The following EVC2 variants were observed in gnomAD, a reference collection of about 807,000 sequenced individuals.
The protein encoded by EVC2 is limbin.
Under a neutral mutation model 149.3 loss-of-function variants are expected in EVC2, and 148 were observed. That is an observed-to-expected ratio of 0.99 (90% CI 0.87 to 1.14). The LOEUF (loss-of-function observed/expected upper bound fraction) is 1.14, where lower values mean the gene tolerates loss of function less well. EVC2 is among the 50% of genes most tolerant of loss of function. The probability of loss-of-function intolerance (pLI) is 0.00; values close to 1 mark genes in which losing one functional copy is unlikely to be tolerated. For missense variants in EVC2, 1,854 were observed against 1,627.3 expected (o/e 1.14, Z -2.40); for synonymous variants, 776 against 649.9 (o/e 1.19, Z -2.95).
In EVC2 at chr4:5,625,954, C is replaced by A. The variant is rs765708772; in HGVS notation, c.1887-46G>T. On this transcript the variant is annotated intron_variant, in intron 12 of 21. Coordinates refer to ENST00000344408, the MANE Select transcript of EVC2 (RefSeq NM_147127.5). This position sits in a 1 kb window ranked among gnomAD's most constrained non-coding sequence, Gnocchi z 4.0. Reference sequence around the variant, plus strand: ...GTTAGGAATGTGGTCTCCAAACTCACCTGTAGCTTAACTGCTATTGTGCCT... The same window carrying A: ...GTTAGGAATGTGGTCTCCAAACTCAACTGTAGCTTAACTGCTATTGTGCCT... The A allele has an allele frequency of 1.9e-6, 3 of 1,609,686 alleles. No individual in the cohort carries two copies. Among genetic ancestry groups the A allele is most frequent in the South Asian group, 2.2e-5 (2 of 90,988 alleles).
rs911943048 is a variant in EVC2, at chr4:5,615,334, G to C, written c.2829+88C>G. 3.8e-6 allele frequency: 6 copies of C among 1,596,256 alleles called. No homozygotes were observed. The Admixed American group carries it at 1.0e-4, about 27-fold the overall frequency. ...GTGGAGATGGATGGCACAGCCCCAAGGGCTCTGTGTGCCTGCAAATGTGTC... is the reference window on the plus strand; with the variant it reads ...GTGGAGATGGATGGCACAGCCCCAACGGCTCTGTGTGCCTGCAAATGTGTC... On this transcript the variant is annotated intron_variant, in intron 16 of 21. Coordinates refer to ENST00000344408, the MANE Select transcript of EVC2 (RefSeq NM_147127.5).
At chr4:5,704,200 A>G (rs1721997747) in intron 1 of EVC2, among the ~76,000 whole-genome samples, 1 of 152,200 alleles carries the variant, frequency 6.6e-6, no homozygotes, top group Admixed American at 6.5e-5. Context: ...GCGGCTCCAC[A>G]ATAATCCCAG....
chr4:5,602,128 A>G lies in EVC2; in HGVS notation c.2829+13294T>C, dbSNP rs569151619. 3.9e-5 allele frequency among the ~76,000 whole-genome samples: 6 copies of G among 152,018 alleles called. No individual in the cohort carries two copies. The South Asian group carries it at 1.2e-3, about 32-fold the overall frequency. On this transcript the variant is annotated intron_variant, in intron 16 of 21. Coordinates refer to ENST00000344408, the MANE Select transcript of EVC2 (RefSeq NM_147127.5). ...CTGTCCCTATAAAAAATTTTAAAAT[A>G]AAAAATTTTAAAAATTAGTAGGGTA...
intron 1 of EVC2, among the ~76,000 whole-genome samples, chr4:5,703,481 T>C (rs1006967544): frequency 6.6e-6 from 1 of 152,148 alleles, no homozygotes; most frequent in Admixed American, 6.5e-5. Flanking sequence ...AGTTGACACA[T>C]GAAATGCTCA....
Position 5,681,314 on chromosome 4 carries a change from C to A in EVC2, c.817-1G>T. The A allele has an allele frequency of 1.9e-6, 3 of 1,614,196 alleles. No homozygotes were observed. Among genetic ancestry groups the A allele is most frequent in the Non-Finnish European group, 1.7e-6 (2 of 1,180,032 alleles). On this transcript the variant is annotated splice_acceptor_variant, in intron 6 of 21. Coordinates refer to ENST00000344408, the MANE Select transcript of EVC2 (RefSeq NM_147127.5). LOFTEE classifies it high-confidence loss of function. The stretch of plus-strand genomic sequence containing the variant: ...AAAGCACTTTCAGCTGTGTTCTGTT[C>A]TAGAAAAGGAAAAAAGAAAACACTT...
chr4:5,645,421 C>A (rs1298239438), intron 9 of EVC2, among the ~76,000 whole-genome samples: 3 of 151,770 alleles, frequency 2.0e-5, no homozygotes, highest in African/African-American at 7.3e-5. Context: ...CACTCTCCAC[C>A]CTCTGATAGG....
intron 9 of EVC2, 108 bp downstream of exon 9, chr4:5,662,999 C>T (rs1374512122): frequency 1.8e-5 from 26 of 1,454,578 alleles, no homozygotes; most frequent in Non-Finnish European, 2.1e-5. Flanking sequence ...TACAGAGTGA[C>T]AAATGATTAA....
chr4:5,657,766 C>T lies in EVC2; in HGVS notation c.1145+5341G>A, dbSNP rs1434663249. 1.3e-5 allele frequency among the ~76,000 whole-genome samples: 2 copies of T among 151,786 alleles called. No individual in the cohort carries two copies. The highest frequency in any genetic ancestry group is 2.4e-5 in the African/African-American group (1 of 41,258). The stretch of plus-strand genomic sequence containing the variant: ...AAAGAAAAAAAAAAAAGGTAGTTTC[C>T]GGCAGCCTTGAGTGTTGTGAAGAAA... On this transcript the variant is annotated intron_variant, in intron 9 of 21. Coordinates refer to ENST00000344408, the MANE Select transcript of EVC2 (RefSeq NM_147127.5). The surrounding 1 kb of genome is among the most constrained non-coding windows in gnomAD (Gnocchi z 4.7).
In EVC2 at chr4:5,708,528, C is replaced by A. The variant is rs76269601; in HGVS notation, c.-15G>T. On this transcript the variant is annotated 5_prime_UTR_variant, in exon 1 of 22. Transcript: ENST00000344408. ...GAGGGGTCCATCGCCTGTCGGGACC[C>A]GCTACCTCAAAGCGGCGGGTGCCGC... The A allele has an allele frequency of 7.0e-7, 1 of 1,433,746 alleles. No homozygotes were observed. Among genetic ancestry groups the A allele is most frequent in the African/African-American group, 1.5e-5 (1 of 66,776 alleles). The allele number at this position is 1,433,746 out of a possible 1,614,324, so 88.8% of individuals were successfully genotyped here.
At position 5,640,515 on chromosome 4, in the gene EVC2, C is replaced by G; in HGVS notation, c.1469G>C (p.Arg490Thr). The part of the protein sequence containing the change: ...AEELLKRAGE[R>T]SAVECSNLLR... ...GCCTTCCTTTCAGACCTGTCTTACCCTCTCACCAGCACGTTTCAGCAACTC... is the reference window on the plus strand; with the variant it reads ...GCCTTCCTTTCAGACCTGTCTTACCGTCTCACCAGCACGTTTCAGCAACTC... Residue 490 changes from arginine (R) to threonine (T), a missense_variant and splice_region_variant, in exon 10 of 22, where the codon AGG (arginine) becomes ACG (threonine). Arg to Thr is a moderately conservative substitution (Grantham distance 71). Transcript: ENST00000344408. This position sits in a 1 kb window ranked among gnomAD's most constrained non-coding sequence, Gnocchi z 4.6. 2 of 1,614,112 alleles carry G rather than the reference C, an allele frequency of 1.2e-6. No homozygotes were observed. The highest frequency in any genetic ancestry group is 1.3e-5 in the African/African-American group (1 of 75,018).
intron 19 of EVC2, among the ~76,000 whole-genome samples, chr4:5,572,358 A>G (rs13103472): frequency 0.63 from 95,074 of 152,096 alleles, 30,812 homozygotes; most frequent in Non-Finnish European, 0.68. Flanking sequence ...CACTATTAGG[A>G]AGGGGGGCCT....
intron 16 of EVC2, among the ~76,000 whole-genome samples, chr4:5,611,723 T>C (rs559328443): frequency 3.3e-5 from 5 of 152,152 alleles, no homozygotes; most frequent in African/African-American, 1.2e-4. Flanking sequence ...GAAAACAATA[T>C]TCTGTACTTG....
At chr4:5,593,881 T>G (rs1285780981) in intron 16 of EVC2, among the ~76,000 whole-genome samples, 1 of 152,168 alleles carries the variant, frequency 6.6e-6, no homozygotes, top group Non-Finnish European at 1.5e-5. Context: ...ACTGCGCTTT[T>G]CCGAAGGGCT....
At chr4:5,680,037 A>G (rs1023243545) in intron 7 of EVC2, among the ~76,000 whole-genome samples, 1 of 152,132 alleles carries the variant, frequency 6.6e-6, no homozygotes, top group African/African-American at 2.4e-5. Context: ...AGGATCATCA[A>G]TATCACTGCC....
At position 5,584,690 on chromosome 4, in the gene EVC2, T is replaced by C; in HGVS notation, c.2990A>G (p.Glu997Gly). ...ALLSIQDLLL[E>G]ELSASEMLTK... The stretch of plus-strand genomic sequence containing the variant: ...CAGCATCTCAGATGCACTCAGCTCT[T>C]CCAGGAGCAAGTCCTGGATGCTGAG... The change falls in exon 17 of 22, where the codon GAA (glutamate) becomes GGA (glycine). Residue 997 changes from glutamate to glycine, a missense_variant. Physicochemically the swap from Glu to Gly is moderately conservative, Grantham distance 98 (BLOSUM62 -2). Coordinates refer to ENST00000344408, the MANE Select transcript of EVC2 (RefSeq NM_147127.5). The C allele has an allele frequency of 6.2e-7, 1 of 1,614,078 alleles. No individual in the cohort carries two copies. The highest frequency in any genetic ancestry group is 8.5e-7 in the Non-Finnish European group (1 of 1,179,996).
intron 9 of EVC2, among the ~76,000 whole-genome samples, chr4:5,648,006 C>T (rs1717850265): frequency 6.6e-6 from 1 of 152,116 alleles, no homozygotes; most frequent in African/African-American, 2.4e-5. Context: ...AGGGAACGTC[C>T]CCTAAAGCTG....
chr4:5,605,207 G>A (rs2108815377), intron 16 of EVC2, among the ~76,000 whole-genome samples: 1 of 152,332 alleles, frequency 6.6e-6, no homozygotes, highest in East Asian at 1.9e-4. Context: ...GGAGTCAGAT[G>A]TTACACACGA....
chr4:5,640,604 C>T lies in EVC2; in HGVS notation c.1380G>A (p.Leu460=), dbSNP rs1438407396. ...KMVALTAECD[L]ETRKKMENQY... ...GGTTTTCCATCTTCTTTCTTGTTTC[C>T]AGGTCACATTCAGCTGTCAATGCCA... The change falls in exon 10 of 22, where the codon CTG becomes CTA. Residue 460 remains leucine (L), a synonymous_variant. Coordinates refer to ENST00000344408, the MANE Select transcript of EVC2 (RefSeq NM_147127.5). This position sits in a 1 kb window ranked among gnomAD's most constrained non-coding sequence, Gnocchi z 4.6. The T allele has an allele frequency of 3.1e-6, 5 of 1,613,976 alleles. No homozygotes were observed. The highest frequency in any genetic ancestry group is 4.2e-6 in the Non-Finnish European group (5 of 1,180,044).
chr4:5,703,747 G>A (rs1258722992), intron 1 of EVC2, among the ~76,000 whole-genome samples: 2 of 152,090 alleles, frequency 1.3e-5, no homozygotes, highest in African/African-American at 4.8e-5. Flanking sequence ...CAAAATCATA[G>A]TATACTATAT....
Sources: gnomAD v4.1 joint callset for allele counts (sites outside exome capture counted in the v4.1 genomes callset) on GRCh38, gnomAD v4.1.1 for gene constraint, Gnocchi (gnomAD v3.1) non-coding constraint, MANE v1.5 for transcripts, NCBI Gene and HGNC (gene_info 2026-07-23, HGNC 2026-07-21) for gene names.